The following SLC35F3 variants were observed in gnomAD, a reference collection of about 807,000 sequenced individuals.
The protein encoded by SLC35F3 is solute carrier family 35 member F3, also known as putative thiamine transporter SLC35F3.
SLC35F3 carries 25 observed loss-of-function variants against 49.9 expected under a neutral mutation model. The ratio of observed to expected loss-of-function variants is 0.50; its 90% confidence interval spans 0.37 to 0.70. The LOEUF (loss-of-function observed/expected upper bound fraction) is 0.70, where lower values mean the gene tolerates loss of function less well. SLC35F3 is among the 30% of genes least tolerant of loss of function. SLC35F3 has a pLI of 0.00. For synonymous variants in SLC35F3, 275 were observed against 265.4 expected (o/e 1.04, Z -0.35); for missense variants, 525 against 639.8 (o/e 0.82, Z 1.94).
At chr1:234,059,073 C>T (rs1353945538) in intron 2 of SLC35F3, among the ~76,000 whole-genome samples, 2 of 152,080 alleles carry the variant, frequency 1.3e-5, no homozygotes, top group East Asian at 3.8e-4. Flanking sequence ...TCTTCTTGGT[C>T]AGTCTAGCTA....
intron 2 of SLC35F3, among the ~76,000 whole-genome samples, chr1:234,169,429 C>T (rs969191438): frequency 4.6e-5 from 7 of 152,182 alleles, no homozygotes; most frequent in Admixed American, 4.6e-4. Flanking sequence ...ATGACAAGGA[C>T]AAAGCGTTCC....
rs569195000 is a variant in SLC35F3, at chr1:234,300,279, A to G, written c.609-8822A>G. 3.9e-5 allele frequency among the ~76,000 whole-genome samples: 6 copies of G among 152,344 alleles called. No homozygotes were observed. In the East Asian group the frequency reaches 1.2e-3, roughly 29 times the overall value. ...ATGCTGTCAAGAATGCATCCCACATATAAACTGCACCATTCTCTACAAAAT... is the reference window on the plus strand; with the variant it reads ...ATGCTGTCAAGAATGCATCCCACATGTAAACTGCACCATTCTCTACAAAAT... On this transcript the variant is annotated intron_variant, in intron 3 of 7. Transcript: ENST00000366618.
chr1:234,011,191 T>A (rs1386385131), intron 2 of SLC35F3, among the ~76,000 whole-genome samples: 1 of 152,168 alleles, frequency 6.6e-6, no homozygotes, highest in Admixed American at 6.5e-5. Context: ...ATTTATCAAA[T>A]TTTTTGTGAA....
intron 2 of SLC35F3, among the ~76,000 whole-genome samples, chr1:234,066,662 A>C (rs1273978260): frequency 2.0e-5 from 3 of 151,888 alleles, no homozygotes; most frequent in African/African-American, 7.3e-5. Flanking sequence ...CTACTTCTCA[A>C]ATAGAAGTTG....
intron 2 of SLC35F3, among the ~76,000 whole-genome samples, chr1:234,047,382 A>G (rs1273901567): frequency 6.6e-6 from 1 of 152,226 alleles, no homozygotes; most frequent in East Asian, 1.9e-4. Context: ...TGCTTTATTC[A>G]GTGTGGGTGG....
At position 234,009,627 on chromosome 1, in the gene SLC35F3, T is replaced by C. The variant is rs116939566; in HGVS notation, c.283+103869T>C. On this transcript the variant is annotated intron_variant, in intron 2 of 7. Coordinates refer to ENST00000366618, the MANE Select transcript of SLC35F3 (RefSeq NM_173508.4). ...AACATTCAGCTGAACACCAGAATTG[T>C]GCAGTTTACTGAACAGCCTTCACTT... 3.9e-5 allele frequency among the ~76,000 whole-genome samples: 6 copies of C among 152,350 alleles called. No homozygotes were observed. In the East Asian group the frequency reaches 1.2e-3, roughly 29 times the overall value.
chr1:234,205,345 G>A (rs1666954197), intron 2 of SLC35F3, among the ~76,000 whole-genome samples: 1 of 152,200 alleles, frequency 6.6e-6, no homozygotes, highest in Admixed American at 6.5e-5. Context: ...CTTTCGGTGA[G>A]GTGGTAGCCC....
intron 2 of SLC35F3, among the ~76,000 whole-genome samples, chr1:234,219,120 C>A (rs1266290887): frequency 1.3e-5 from 2 of 149,858 alleles, no homozygotes; most frequent in Non-Finnish European, 2.9e-5. Context: ...GGTTGGGACC[C>A]CCATGGGGGG....
At chr1:234,007,326 C>T (rs951080273) in intron 2 of SLC35F3, among the ~76,000 whole-genome samples, 22 of 152,184 alleles carry the variant, frequency 1.4e-4, no homozygotes, top group African/African-American at 5.1e-4. Flanking sequence ...TGAGCAAAGC[C>T]TTGAAGAAGG....
chr1:233,985,397 TTTATC>T (rs1437164430), intron 2 of SLC35F3, among the ~76,000 whole-genome samples: 2 of 152,218 alleles, frequency 1.3e-5, no homozygotes, highest in Non-Finnish European at 2.9e-5. Flanking sequence ...CATTTCTGCT[TTTATC>T]TGATCTTATT....
intron 3 of SLC35F3, among the ~76,000 whole-genome samples, chr1:234,252,296 C>T (rs1667750214): frequency 6.6e-6 from 1 of 152,166 alleles, no homozygotes; most frequent in Non-Finnish European, 1.5e-5. Context: ...TCTCAAACTC[C>T]TGGCCTCAAG....
At chr1:234,184,672 G>A (rs1398295887) in intron 2 of SLC35F3, among the ~76,000 whole-genome samples, 1 of 152,184 alleles carries the variant, frequency 6.6e-6, no homozygotes, top group East Asian at 1.9e-4. Context: ...CCAGCACACA[G>A]TTTCCAGGGC....
chr1:233,987,626 TG>T (rs577398012), intron 2 of SLC35F3, among the ~76,000 whole-genome samples: 1 of 152,180 alleles, frequency 6.6e-6, no homozygotes. Flanking sequence ...AAATGATTTT[TG>T]CTGGCTATCT....
intron 5 of SLC35F3, among the ~76,000 whole-genome samples, chr1:234,317,000 T>C (rs527530354): frequency 1.3e-5 from 2 of 152,312 alleles, no homozygotes; most frequent in Admixed American, 6.5e-5. Context: ...AAATGAGTGG[T>C]GCCCATCCGC....
chr1:234,148,027 A>G (rs1558242723), intron 2 of SLC35F3, among the ~76,000 whole-genome samples: 2 of 152,192 alleles, frequency 1.3e-5, no homozygotes, highest in East Asian at 3.8e-4. Flanking sequence ...AACGGCAAGA[A>G]GGGGAGAGAA....
chr1:234,172,645 A>G (rs2102919613), intron 2 of SLC35F3, among the ~76,000 whole-genome samples: 1 of 152,272 alleles, frequency 6.6e-6, no homozygotes, highest in East Asian at 1.9e-4. Context: ...ACAAACCTAG[A>G]TGGTATAGCC....
At chr1:234,225,505 C>T (rs906129836) in intron 2 of SLC35F3, among the ~76,000 whole-genome samples, 1 of 152,156 alleles carries the variant, frequency 6.6e-6, no homozygotes, top group Non-Finnish European at 1.5e-5. Flanking sequence ...GTTTCCAGAG[C>T]AGCTCTCAAC....
intron 2 of SLC35F3, among the ~76,000 whole-genome samples, chr1:234,142,434 T>C (rs556940029): frequency 3.3e-5 from 5 of 152,256 alleles, no homozygotes; most frequent in African/African-American, 1.2e-4. Flanking sequence ...AGCCGTTTTG[T>C]CCACTGCGGT....
intron 2 of SLC35F3, among the ~76,000 whole-genome samples, chr1:234,009,890 T>A (rs1324303681): frequency 6.6e-6 from 1 of 152,180 alleles, no homozygotes; most frequent in African/African-American, 2.4e-5. Context: ...AAGAATACTT[T>A]ACCTGACAAA....
Sources: gnomAD v4.1 joint callset for allele counts (sites outside exome capture counted in the v4.1 genomes callset) on GRCh38, gnomAD v4.1.1 for gene constraint, MANE v1.5 for transcripts, NCBI Gene and HGNC (gene_info 2026-07-23, HGNC 2026-07-21) for gene names.